The following TMOD3 variants were observed in gnomAD, a reference collection of about 807,000 sequenced individuals.
The protein encoded by TMOD3 is tropomodulin-3.
In TMOD3, 20 loss-of-function variants were observed where a neutral mutation model predicts 39.2. The observed-to-expected ratio is 0.51, with a 90% confidence interval of 0.36 to 0.74. The LOEUF (loss-of-function observed/expected upper bound fraction) is 0.74, where lower values mean the gene tolerates loss of function less well. Ranked by LOEUF, TMOD3 falls within the 30% of genes least tolerant of loss-of-function variation. The probability of loss-of-function intolerance (pLI) is 0.00; values close to 1 mark genes in which losing one functional copy is unlikely to be tolerated. For missense variants in TMOD3, 381 were observed against 412.8 expected (o/e 0.92, Z 0.67); for synonymous variants, 143 against 145.8 (o/e 0.98, Z 0.14).
intron 1 of TMOD3, among the ~76,000 whole-genome samples, chr15:51,862,521 T>C (rs184169587): frequency 6.8e-4 from 104 of 152,332 alleles, no homozygotes; most frequent in African/African-American, 2.4e-3. Context: ...TTTTGACACA[T>C]AATTTCTTTC....
chr15:51,910,907 C>A lies in TMOD3; in HGVS notation c.*2097C>A, dbSNP rs1210388367. On this transcript the variant is annotated 3_prime_UTR_variant, in exon 10 of 10. Transcript: ENST00000308580. ...TAAGTTAGCAAGGCTCACTTGCTTG[C>A]TTTCTTGCCTCCCTTGCCTCCATCC... 6.6e-6 allele frequency: 1 copy of A among 152,254 alleles called. No individual in the cohort carries two copies. The highest frequency in any genetic ancestry group is 1.5e-5 in the Non-Finnish European group (1 of 68,070). 9.4% of individuals were successfully genotyped at this position (152,254 alleles called of 1,614,324 possible). A position where few individuals can be genotyped will look rare whatever the true frequency, so the allele number is the denominator to read the frequency against.
chr15:51,900,326 G>A, intron 8 of TMOD3, 28 bp downstream of exon 8: 2 of 1,612,912 alleles, frequency 1.2e-6, no homozygotes, highest in Non-Finnish European at 1.7e-6. Flanking sequence ...ATAACGTCGA[G>A]GAAGCTACAG....
chr15:51,851,663 A>G (rs1350037003), intron 1 of TMOD3, among the ~76,000 whole-genome samples: 6 of 152,244 alleles, frequency 3.9e-5, no homozygotes, highest in Non-Finnish European at 8.8e-5. Flanking sequence ...GCATAGGGCA[A>G]TGTTCAGCTC....
At chr15:51,867,904 C>G (rs2056454970) in intron 2 of TMOD3, among the ~76,000 whole-genome samples, 1 of 152,172 alleles carries the variant, frequency 6.6e-6, no homozygotes, top group Admixed American at 6.5e-5. Flanking sequence ...AATCCATCAC[C>G]TTCCACTGCA....
chr15:51,901,842 G>C, intron 8 of TMOD3, 50 bp from the exon 9 acceptor site: 1 of 1,568,062 alleles, frequency 6.4e-7, no homozygotes, highest in Non-Finnish European at 8.7e-7. Context: ...ACCTTGAAAA[G>C]TATTTTGATC....
At chr15:51,860,169 G>C in intron 1 of TMOD3, 1 of 471,150 alleles carries the variant, frequency 2.1e-6, no homozygotes, top group South Asian at 1.6e-5. Flanking sequence ...ATAATCCCAA[G>C]TGAGAAGATC....
chr15:51,872,596 A>ATTTG lies in TMOD3; in HGVS notation c.283+3227_283+3230dup, dbSNP rs1555386626. 2.2e-4 allele frequency among the ~76,000 whole-genome samples: 24 copies of ATTTG among 107,482 alleles called. No homozygotes were observed. In the South Asian group the frequency reaches 6.6e-3, roughly 30 times the overall value. 70.5% of individuals were successfully genotyped at this position (107,482 alleles called of 152,430 possible). A position where few individuals can be genotyped will look rare whatever the true frequency, so the allele number is the denominator to read the frequency against. ...GTCATATATTTTTTGTGAGGACCAAATTTGTTTTTTTTTTTTTTGGTTTGG... is the reference window on the plus strand; with the variant it reads ...GTCATATATTTTTTGTGAGGACCAAATTTGTTTGTTTTTTTTTTTTTTGGTTTGG... On this transcript the variant is annotated intron_variant, in intron 3 of 9. Transcript: ENST00000308580.
chr15:51,903,940 G>A (rs1041761132), intron 9 of TMOD3, among the ~76,000 whole-genome samples: 2 of 152,310 alleles, frequency 1.3e-5, no homozygotes, highest in South Asian at 2.1e-4. Flanking sequence ...TCATTAGTGC[G>A]CTACACAGCC....
At chr15:51,859,987 G>T (rs1004630995) in intron 1 of TMOD3, 1 of 544,574 alleles carries the variant, frequency 1.8e-6, no homozygotes. Context: ...CCAAGCAAAA[G>T]GTGATATAAC....
intron 7 of TMOD3, among the ~76,000 whole-genome samples, chr15:51,897,675 T>G (rs1245803990): frequency 1.3e-5 from 2 of 148,676 alleles, no homozygotes; most frequent in East Asian, 4.0e-4. Flanking sequence ...AGTAGAGATG[T>G]GGTTTCACCA....
In TMOD3 at chr15:51,850,731, TTTTGTTTGTTTG is replaced by T. The variant is rs755369260; in HGVS notation, c.-74-12067_-74-12056del. On this transcript the variant is annotated intron_variant, in intron 1 of 9. Transcript: ENST00000308580. ...GGTGAGGAGTAGGAAGAGTTAGGTTTTTTGTTTGTTTGTTTGTTTGTTTGAGACGGAGTATTG... is the reference window on the plus strand; with the variant it reads ...GGTGAGGAGTAGGAAGAGTTAGGTTTTTTGTTTGTTTGAGACGGAGTATTG... Among the ~76,000 whole-genome samples, 848 of 152,008 alleles carry T rather than the reference TTTTGTTTGTTTG, an allele frequency of 5.6e-3. 8 individuals are homozygous for T. Among genetic ancestry groups the T allele is most frequent in the African/African-American group, 0.02 (818 of 41,432 alleles).
intron 1 of TMOD3, chr15:51,859,945 G>A (rs1263543762): frequency 1.8e-6 from 1 of 546,024 alleles, no homozygotes; most frequent in African/African-American, 1.9e-5. Flanking sequence ...TCCCTCTGAG[G>A]AACCCACTAT....
At chr15:51,903,052 G>C (rs1020053652) in intron 9 of TMOD3, among the ~76,000 whole-genome samples, 1 of 152,158 alleles carries the variant, frequency 6.6e-6, no homozygotes, top group Non-Finnish European at 1.5e-5. Context: ...CCAAAGTGCT[G>C]GGATTACAGG....
intron 3 of TMOD3, among the ~76,000 whole-genome samples, chr15:51,872,707 C>T (rs1394294640): frequency 6.7e-6 from 1 of 150,310 alleles, no homozygotes; most frequent in Non-Finnish European, 1.5e-5. Context: ...TCAAACGATT[C>T]TTCCACCTTA....
rs995096027 is a variant in TMOD3 at position 51,911,254 on chromosome 15, A to C, written c.*2444A>C. The C allele has an allele frequency of 1.3e-5, 2 of 152,192 alleles. No homozygotes were observed. Among genetic ancestry groups the C allele is most frequent in the African/African-American group, 4.8e-5 (2 of 41,448 alleles). The allele number at this position is 152,192 out of a possible 1,614,324, so 9.4% of individuals were successfully genotyped here. A position where few individuals can be genotyped will look rare whatever the true frequency, so the allele number is the denominator to read the frequency against. On this transcript the variant is annotated 3_prime_UTR_variant, in exon 10 of 10. Coordinates refer to ENST00000308580, the MANE Select transcript of TMOD3 (RefSeq NM_014547.5). ...AGTGGGACTCTACCTAAAATTTTGCATCATACTTATGGGTAATATCTTTTT... is the reference window on the plus strand; with the variant it reads ...AGTGGGACTCTACCTAAAATTTTGCCTCATACTTATGGGTAATATCTTTTT...
In TMOD3 at chr15:51,891,395, A is replaced by G. The variant is rs536126128; in HGVS notation, c.496+2250A>G. Among the ~76,000 whole-genome samples, 26 of 152,174 alleles carry G rather than the reference A, an allele frequency of 1.7e-4. No individual in the cohort carries two copies. In the East Asian group the frequency reaches 4.4e-3, roughly 26 times the overall value. On this transcript the variant is annotated intron_variant, in intron 5 of 9. Coordinates refer to ENST00000308580, the MANE Select transcript of TMOD3 (RefSeq NM_014547.5). ...TATGTTTCTGTAAACTGTTAGTTCT[A>G]GTGGCTTGATGAGATGCAGGTGCAG...
intron 3 of TMOD3, among the ~76,000 whole-genome samples, chr15:51,881,977 C>T (rs968752482): frequency 1.3e-5 from 2 of 151,590 alleles, no homozygotes; most frequent in African/African-American, 2.4e-5. Context: ...TCACTGCAAC[C>T]TCCGCCTCCC....
chr15:51,869,189 A>G lies in TMOD3; in HGVS notation c.127-28A>G, dbSNP rs889094138. On this transcript the variant is annotated intron_variant, in intron 2 of 9. Coordinates refer to ENST00000308580, the MANE Select transcript of TMOD3 (RefSeq NM_014547.5). ...TATAGCATTAGCATTCTTATTGGTCATATTGGCTGATTCATTCTCTCTGGC... is the reference window on the plus strand; with the variant it reads ...TATAGCATTAGCATTCTTATTGGTCGTATTGGCTGATTCATTCTCTCTGGC... The G allele has an allele frequency of 3.1e-6, 5 of 1,606,960 alleles. No individual in the cohort carries two copies. In the African/African-American group the frequency reaches 4.0e-5, roughly 13 times the overall value.
intron 2 of TMOD3, among the ~76,000 whole-genome samples, chr15:51,866,498 A>G (rs1412739674): frequency 6.6e-6 from 1 of 152,076 alleles, no homozygotes; most frequent in Non-Finnish European, 1.5e-5. Context: ...AGGCTTTCTA[A>G]GGAGCCAGAC....
Sources: allele counts gnomAD v4.1 joint callset (sites outside exome capture counted in the v4.1 genomes callset), GRCh38; gene constraint gnomAD v4.1.1; transcripts MANE v1.5; gene names NCBI Gene and HGNC (gene_info 2026-07-23, HGNC 2026-07-21).